LRP2: variants seen among roughly 807,000 people sequenced by gnomAD.
The protein encoded by LRP2 is LDL receptor related protein 2.
Under a neutral mutation model 531.0 loss-of-function variants are expected in LRP2, and 172 were observed. The observed-to-expected ratio is 0.32, with a 90% CI of 0.29 to 0.37. The LOEUF (loss-of-function observed/expected upper bound fraction) is 0.37, where lower values mean the gene tolerates loss of function less well. Among genes scored for constraint, LRP2 ranks in the 10% least tolerant of loss-of-function variants. The pLI, the probability that LRP2 is intolerant of heterozygous loss-of-function variation, is 1.00. For missense variants in LRP2, 5,167 were observed against 5,868.3 expected (o/e 0.88, Z 3.90); for synonymous variants, 1,992 against 2,027.6 (o/e 0.98, Z 0.47).
chr2:169,173,798 T>C, intron 56 of LRP2, 121 bp downstream of exon 56: 1 of 1,370,620 alleles, frequency 7.3e-7, no homozygotes, highest in South Asian at 1.2e-5. Flanking sequence ...TTGCAGGGAG[T>C]GCCAAGGGGG....
intron 12 of LRP2, 40 bp downstream of exon 12, chr2:169,279,332 T>C (rs1382876346): frequency 4.1e-6 from 6 of 1,475,628 alleles, no homozygotes; most frequent in Middle Eastern, 1.7e-4. Flanking sequence ...GAGAGAAAAT[T>C]CTAAAAATAC....
Position 169,127,839 on chromosome 2 carries a change from C to A in LRP2, c.*824G>T, listed in dbSNP as rs886055075. The stretch of plus-strand genomic sequence containing the variant: ...GAGCTCCAACTACTAGGGCAGGTGA[C>A]CACCTTGAATGTCAGGTGAGGGGAG... On this transcript the variant is annotated 3_prime_UTR_variant, in exon 79 of 79. Coordinates refer to ENST00000649046, the MANE Select transcript of LRP2 (RefSeq NM_004525.3). 7 of 152,024 alleles carry A rather than the reference C, an allele frequency of 4.6e-5. No homozygotes were observed. Among genetic ancestry groups the A allele is most frequent in the African/African-American group, 1.7e-4 (7 of 41,264 alleles). The allele number at this position is 152,024 out of a possible 1,614,324, so 9.4% of individuals were successfully genotyped here.
rs1016919877 is a variant in LRP2, at chr2:169,128,217, A to T, written c.*446T>A. The T allele has an allele frequency of 5.5e-6, 1 of 181,130 alleles. No individual in the cohort carries two copies. The highest frequency in any genetic ancestry group is 1.2e-5 in the Non-Finnish European group (1 of 85,852). 11.2% of individuals were successfully genotyped at this position (181,130 alleles called of 1,614,324 possible). A position where few individuals can be genotyped will look rare whatever the true frequency, so the allele number is the denominator to read the frequency against. On this transcript the variant is annotated 3_prime_UTR_variant, in exon 79 of 79. Coordinates refer to ENST00000649046, the MANE Select transcript of LRP2 (RefSeq NM_004525.3). ...GCTAATGTGTAAAAATGGACCCAAG[A>T]GCGGGGCCTGGATTCCTTTCCTAGA...
intron 38 of LRP2, among the ~76,000 whole-genome samples, chr2:169,207,974 C>T (rs1351650310): frequency 6.6e-6 from 1 of 152,132 alleles, no homozygotes; most frequent in Non-Finnish European, 1.5e-5. Context: ...TGATTCAAAC[C>T]ACCTCTAGAG....
At chr2:169,198,482 G>A (rs1177333407) in intron 45 of LRP2, among the ~76,000 whole-genome samples, 1 of 152,128 alleles carries the variant, frequency 6.6e-6, no homozygotes, top group Non-Finnish European at 1.5e-5. Context: ...GGGCTTAACG[G>A]GCAAATTCTG....
chr2:169,291,080 A>G, intron 7 of LRP2, 83 bp from the exon 8 acceptor site: 3 of 1,266,358 alleles, frequency 2.4e-6, no homozygotes, highest in Non-Finnish European at 3.4e-6. Flanking sequence ...CAGAGGATGT[A>G]GAGCAAGTTG....
rs772356436 is a variant in LRP2 at position 169,289,072 on chromosome 2, A to G, written c.996T>C (p.Cys332=). 1.1e-5 allele frequency: 17 copies of G among 1,614,096 alleles called. No individual in the cohort carries two copies. The highest frequency in any genetic ancestry group is 1.4e-5 in the Non-Finnish European group (17 of 1,179,988). ...TGTGGTTGATGATATAACCTGGGGGACAAAAACACGCTCCTCCATACGGCG... is the reference window on the plus strand; with the variant it reads ...TGTGGTTGATGATATAACCTGGGGGGCAAAAACACGCTCCTCCATACGGCG... The part of the protein sequence containing the change: ...HETPYGGACF[C]PPGYIINHND... Residue 332 remains cysteine, a synonymous_variant, in exon 9 of 79, where the codon TGT becomes TGC. Transcript: ENST00000649046.
rs539363404 is a variant in LRP2 at position 169,238,248 on chromosome 2, C to T, written c.4349G>A (p.Ser1450Asn). The T allele has an allele frequency of 6.2e-7, 1 of 1,614,178 alleles. No individual in the cohort carries two copies. The highest frequency in any genetic ancestry group is 8.5e-7 in the Non-Finnish European group (1 of 1,180,018). The change falls in exon 27 of 79, where the codon AGT (serine) becomes AAT (asparagine). Residue 1450 changes from serine to asparagine, a missense_variant. Physicochemically the swap from Ser to Asn is conservative, Grantham distance 46. Around this residue, in one of 6 missense-constraint regions of LRP2, gnomAD observed 2,811 missense variants for 3,058.0 expected, o/e 0.92. Transcript: ENST00000649046. Reference sequence around the variant, plus strand: ...GATATTGTGGACCTGGGAGGTGACACTGTCGGCAATAATTTTGTTCTGACT... The same window carrying T: ...GATATTGTGGACCTGGGAGGTGACATTGTCGGCAATAATTTTGTTCTGACT... ...VASQNKIIAD[S>N]VTSQVHNIYS...
At position 169,216,305 on chromosome 2, in the gene LRP2, G is replaced by A; in HGVS notation, c.5774C>T (p.Thr1925Ile). The change falls in exon 35 of 79, where the codon ACT becomes ATT. Residue 1925 changes from threonine to isoleucine, a missense_variant. Around this residue, in one of 6 missense-constraint regions of LRP2, gnomAD observed 2,811 missense variants for 3,058.0 expected, o/e 0.92. Transcript: ENST00000649046. ...TGNLEHLECV[T>I]LDIEEQKLYW... ...GAGTTTCTGCTCTTCGATGTCAAGA[G>A]TGACACACTCCAGGTGTTCGAGGTT... The A allele has an allele frequency of 4.3e-6, 7 of 1,613,634 alleles. No homozygotes were observed. Among genetic ancestry groups the A allele is most frequent in the Non-Finnish European group, 5.1e-6 (6 of 1,179,680 alleles).
Position 169,209,552 on chromosome 2 carries a change from T to G in LRP2, c.6370A>C (p.Ile2124Leu). Reference sequence around the variant, plus strand: ...GATCCATCTGGTTTAATTCTACGGATCGCATTATCAGATGCCACTGAGCTG... The same window carrying G: ...GATCCATCTGGTTTAATTCTACGGAGCGCATTATCAGATGCCACTGAGCTG... ...FSSSVASDNAIRRIKPDGSSL... is the reference protein window; with the variant it reads ...FSSSVASDNALRRIKPDGSSL... Residue 2124 changes from isoleucine (I) to leucine (L), a missense_variant, in exon 38 of 79, where the codon ATC becomes CTC. Transcript: ENST00000649046. The G allele has an allele frequency of 6.2e-7, 1 of 1,614,144 alleles. No homozygotes were observed. Among genetic ancestry groups the G allele is most frequent in the Non-Finnish European group, 8.5e-7 (1 of 1,180,000 alleles).
chr2:169,326,811 G>A (rs1191627519), intron 1 of LRP2, among the ~76,000 whole-genome samples: 1 of 151,324 alleles, frequency 6.6e-6, no homozygotes, highest in Non-Finnish European at 1.5e-5. Flanking sequence ...GGGAAGTGAG[G>A]AGCGTCTCTG....
intron 35 of LRP2, among the ~76,000 whole-genome samples, 183 bp from the exon 36 acceptor site, chr2:169,214,053 ATGTCACTG>A (rs1688690573): frequency 6.6e-6 from 1 of 152,122 alleles, no homozygotes; most frequent in South Asian, 2.1e-4. Context: ...GGTCAGGAAA[ATGTCACTG>A]TGCCCCTTTC....
At chr2:169,349,247 C>A (rs1166780295) in intron 1 of LRP2, among the ~76,000 whole-genome samples, 1 of 152,078 alleles carries the variant, frequency 6.6e-6, no homozygotes, top group Non-Finnish European at 1.5e-5. Flanking sequence ...GGGAAAGAAT[C>A]AGAGAAGGCC....
At chr2:169,231,441 C>CAG (rs1191856304) in intron 31 of LRP2, among the ~76,000 whole-genome samples, 7 of 151,994 alleles carry the variant, frequency 4.6e-5, no homozygotes, top group Non-Finnish European at 1.0e-4. Flanking sequence ...CATGGCTTGT[C>CAG]AGAGAAGTCT....
chr2:169,193,937 G>T, intron 46 of LRP2, 45 bp from the exon 47 acceptor site: 7 of 1,613,208 alleles, frequency 4.3e-6, no homozygotes, highest in Non-Finnish European at 5.9e-6. Context: ...GTGGTTTACA[G>T]TCCAGGAATC....
At chr2:169,328,468 A>G (rs1685182118) in intron 1 of LRP2, among the ~76,000 whole-genome samples, 1 of 149,736 alleles carries the variant, frequency 6.7e-6, no homozygotes, top group African/African-American at 2.4e-5. Context: ...AAAAAAAGAA[A>G]AAAAAAGAAA....
Position 169,220,577 on chromosome 2 carries a change from T to C in LRP2, c.5539-14A>G. ...GAGTGTCAAAACCTATAGCATAAAA[T>C]CACTTATTAGAACTGACTTTCATAA... On this transcript the variant is annotated splice_polypyrimidine_tract_variant and intron_variant, in intron 33 of 78. Coordinates refer to ENST00000649046, the MANE Select transcript of LRP2 (RefSeq NM_004525.3). 6.4e-7 allele frequency: 1 copy of C among 1,562,792 alleles called. No homozygotes were observed. The highest frequency in any genetic ancestry group is 8.8e-7 in the Non-Finnish European group (1 of 1,135,314).
chr2:169,258,928 T>C, intron 17 of LRP2, 97 bp downstream of exon 17: 8 of 1,066,244 alleles, frequency 7.5e-6, no homozygotes, highest in Non-Finnish European at 1.2e-5. Flanking sequence ...TTCAATCTTA[T>C]ATTTGCTGAA....
intron 10 of LRP2, among the ~76,000 whole-genome samples, chr2:169,282,289 G>A (rs562232247): frequency 3.9e-5 from 6 of 152,238 alleles, no homozygotes; most frequent in South Asian, 2.1e-4. Context: ...AATCAACAGC[G>A]ACAAAATGCT....
Sources: allele counts gnomAD v4.1 joint callset (sites outside exome capture counted in the v4.1 genomes callset), GRCh38; gene constraint gnomAD v4.1.1; regional missense constraint gnomAD v4.1.1; transcripts MANE v1.5; gene names NCBI Gene and HGNC (gene_info 2026-07-23, HGNC 2026-07-21).